The following DTWD1 variants were observed in gnomAD, a reference collection of about 807,000 sequenced individuals.
DTWD1 encodes the protein tRNA-uridine aminocarboxypropyltransferase 1.
Under a neutral mutation model 30.2 loss-of-function variants are expected in DTWD1, and 27 were observed. The ratio of observed to expected loss-of-function variants is 0.90; its 90% CI spans 0.66 to 1.23. The LOEUF (loss-of-function observed/expected upper bound fraction) is 1.23, where lower values mean the gene tolerates loss of function less well. DTWD1 is among the 50% of genes most tolerant of loss of function. The pLI, the probability that DTWD1 is intolerant of heterozygous loss-of-function variation, is 0.00. For missense variants in DTWD1, 342 were observed against 348.8 expected (o/e 0.98, Z 0.15); for synonymous variants, 99 against 113.1 (o/e 0.88, Z 0.79).
chr15:49,624,301 C>T (rs1323454452), intron 1 of DTWD1, among the ~76,000 whole-genome samples: 1 of 152,176 alleles, frequency 6.6e-6, no homozygotes, highest in South Asian at 2.1e-4. Context: ...TATTTTACAG[C>T]TGTGGAATGC....
chr15:49,622,226 G>A (rs2078749668), intron 1 of DTWD1, among the ~76,000 whole-genome samples: 1 of 152,208 alleles, frequency 6.6e-6, no homozygotes, highest in South Asian at 2.1e-4. Flanking sequence ...TGCTCTTACA[G>A]AGTTGAATGC....
intron 1 of DTWD1, among the ~76,000 whole-genome samples, chr15:49,622,152 A>C (rs920687538): frequency 4.6e-5 from 7 of 152,174 alleles, no homozygotes; most frequent in African/African-American, 7.2e-5. Flanking sequence ...TTTAGTTAAC[A>C]AGTGTTTGTT....
Position 49,653,307 on chromosome 15 carries a change from A to C in DTWD1, c.*9729A>C, listed in dbSNP as rs751909674. On this transcript the variant is annotated 3_prime_UTR_variant, in exon 5 of 5. Transcript: ENST00000403028. ...TGAAATGAGAAGAACTCAACCTGCT[A>C]TTGTTGGCTTTACAGGTGAGTGATA... The C allele has an allele frequency of 6.6e-6, 1 of 152,108 alleles. No individual in the cohort carries two copies. The highest frequency in any genetic ancestry group is 1.5e-5 in the Non-Finnish European group (1 of 68,020). 9.4% of individuals were successfully genotyped at this position (152,108 alleles called of 1,614,324 possible). A position where few individuals can be genotyped will look rare whatever the true frequency, so the allele number is the denominator to read the frequency against.
chr15:49,639,419 A>G (rs1299260220), intron 4 of DTWD1, among the ~76,000 whole-genome samples: 2 of 152,036 alleles, frequency 1.3e-5, no homozygotes. Context: ...GTAATTAGCA[A>G]GGCGTGGTAG....
intron 4 of DTWD1, among the ~76,000 whole-genome samples, chr15:49,636,686 T>C (rs1036682316): frequency 1.3e-5 from 2 of 152,202 alleles, no homozygotes; most frequent in Non-Finnish European, 2.9e-5. Flanking sequence ...TGTCTATGTC[T>C]AGTTTATATC....
At chr15:49,627,297 G>A (rs1007838864) in intron 2 of DTWD1, among the ~76,000 whole-genome samples, 1 of 152,012 alleles carries the variant, frequency 6.6e-6, no homozygotes, top group African/African-American at 2.4e-5. Context: ...TACATTAATG[G>A]TAATAACAGC....
rs762109541 is a variant in DTWD1 at position 49,653,330 on chromosome 15, A to C, written c.*9752A>C. 4.6e-5 allele frequency: 7 copies of C among 152,138 alleles called. No homozygotes were observed. Among genetic ancestry groups the C allele is most frequent in the Non-Finnish European group, 1.0e-4 (7 of 68,000 alleles). 9.4% of individuals were successfully genotyped at this position (152,138 alleles called of 1,614,324 possible). A position where few individuals can be genotyped will look rare whatever the true frequency, so the allele number is the denominator to read the frequency against. On this transcript the variant is annotated 3_prime_UTR_variant, in exon 5 of 5. Transcript: ENST00000403028. ...CTATTGTTGGCTTTACAGGTGAGTG[A>C]TAGGAACCACAAGCCCCAAGCAGCC...
chr15:49,641,570 C>T (rs1452714394), intron 4 of DTWD1, among the ~76,000 whole-genome samples: 1 of 152,064 alleles, frequency 6.6e-6, no homozygotes, highest in East Asian at 1.9e-4. Context: ...TTTCTTTACT[C>T]AGTGTTTTAT....
In DTWD1 at chr15:49,652,157, C is replaced by T. The variant is rs1210109669; in HGVS notation, c.*8579C>T. 1 of 152,122 alleles carries T rather than the reference C, an allele frequency of 6.6e-6. No individual in the cohort carries two copies. The highest frequency in any genetic ancestry group is 1.5e-5 in the Non-Finnish European group (1 of 68,020). The allele number at this position is 152,122 out of a possible 1,614,324, so 9.4% of individuals were successfully genotyped here. ...ATGACCCATATGGTACTTTGCACCT[C>T]TTCATAACTCTGAACTCTGCAGTGA... On this transcript the variant is annotated 3_prime_UTR_variant, in exon 5 of 5. Coordinates refer to ENST00000403028, the MANE Select transcript of DTWD1 (RefSeq NM_001144955.2).
chr15:49,625,099 C>CT lies in DTWD1; in HGVS notation c.-55-5dup, dbSNP rs577690587. ...GTTTTTATTTTTCCTTCTCTTGATA[C>CT]TTTTTTTTTACAGTGCACCTATGAT... On this transcript the variant is annotated splice_polypyrimidine_tract_variant and intron_variant, in intron 1 of 4. Coordinates refer to ENST00000403028, the MANE Select transcript of DTWD1 (RefSeq NM_001144955.2). 0.012 allele frequency: 17,079 copies of CT among 1,389,992 alleles called. 86 individuals carry two copies. Among genetic ancestry groups the CT allele is most frequent in the Non-Finnish European group, 0.014 (14,633 of 1,019,352 alleles). 86.1% of individuals were successfully genotyped at this position (1,389,992 alleles called of 1,614,324 possible). A position where few individuals can be genotyped will look rare whatever the true frequency, so the allele number is the denominator to read the frequency against.
rs754407687 is a variant in DTWD1, at chr15:49,643,415, T to C, written c.752T>C (p.Ile251Thr). ...KGKPDTFLST[I>T]EAIYYFLVDY... is the part of the protein sequence containing the mutation. ...AAGCCAGATACTTTCCTTTCTACAA[T>C]TGAAGCCATTTACTACTTTCTGGTA... The change falls in exon 5 of 5, where the codon ATT (isoleucine) becomes ACT (threonine). Residue 251 changes from isoleucine to threonine, a missense_variant. Ile to Thr is a moderately conservative substitution (Grantham distance 89). Transcript: ENST00000403028. 4 of 1,603,460 alleles carry C rather than the reference T, an allele frequency of 2.5e-6. No individual in the cohort carries two copies. Among genetic ancestry groups the C allele is most frequent in the Admixed American group, 1.7e-5 (1 of 58,190 alleles).
chr15:49,622,720 G>A lies in DTWD1; in HGVS notation c.-56+1598G>A, dbSNP rs911108095. Among the ~76,000 whole-genome samples the A allele has an allele frequency of 5.3e-5, 8 of 152,214 alleles. No homozygotes were observed. The East Asian group carries it at 1.5e-3, about 29-fold the overall frequency. On this transcript the variant is annotated intron_variant, in intron 1 of 4. Transcript: ENST00000403028. ...CACAGTCGAGGCAGGCTGTTGGCTC[G>A]GTTAGGACAGATGCCCTGATCATGT... is the stretch of plus-strand genomic sequence containing the variant.
intron 1 of DTWD1, among the ~76,000 whole-genome samples, chr15:49,621,956 G>T (rs959439503): frequency 1.3e-5 from 2 of 152,160 alleles, no homozygotes; most frequent in African/African-American, 4.8e-5. Context: ...AGTCTGTATA[G>T]TGTTCCATTG....
chr15:49,639,756 T>TGAATTTTGTTCTTTTATCCATAG (rs1366588694), intron 4 of DTWD1, among the ~76,000 whole-genome samples: 17 of 152,296 alleles, frequency 1.1e-4, no homozygotes, highest in African/African-American at 4.1e-4. Flanking sequence ...TTCAGCATGC[T>TGAATTTTGTTCTTTTATCCATAG]TGGGCATTTG....
rs747736956 is a variant in DTWD1, at chr15:49,643,431, C to T, written c.768C>T (p.Tyr256=). The change falls in exon 5 of 5, where the codon TAC becomes TAT. Residue 256 remains tyrosine, a synonymous_variant. Transcript: ENST00000403028. The part of the protein sequence containing the change: ...TFLSTIEAIY[Y]FLVDYHTDIL... Reference sequence around the variant, plus strand: ...TTTCTACAATTGAAGCCATTTACTACTTTCTGGTAGACTACCATACTGATA... The same window carrying T: ...TTTCTACAATTGAAGCCATTTACTATTTTCTGGTAGACTACCATACTGATA... 6.2e-7 allele frequency: 1 copy of T among 1,602,602 alleles called. No homozygotes were observed. The highest frequency in any genetic ancestry group is 8.5e-7 in the Non-Finnish European group (1 of 1,175,160).
chr15:49,647,350 CAA>C lies in DTWD1; in HGVS notation c.*3773_*3774del, dbSNP rs2079126351. 1 of 152,088 alleles carries C rather than the reference CAA, an allele frequency of 6.6e-6. No homozygotes were observed. Among genetic ancestry groups the C allele is most frequent in the African/African-American group, 2.4e-5 (1 of 41,422 alleles). The allele number at this position is 152,088 out of a possible 1,614,324, so 9.4% of individuals were successfully genotyped here. The stretch of plus-strand genomic sequence containing the variant: ...TGATCACATTTTATTTGATGAGAAA[CAA>C]TTTTATTTTCTAGTTCTGCATATCC... On this transcript the variant is annotated 3_prime_UTR_variant, in exon 5 of 5. Transcript: ENST00000403028.
chr15:49,628,686 G>A (rs2078877578), intron 2 of DTWD1, among the ~76,000 whole-genome samples: 1 of 152,076 alleles, frequency 6.6e-6, no homozygotes, highest in African/African-American at 2.4e-5. Context: ...GTGTTCGAGA[G>A]CAGATTGATA....
At chr15:49,638,751 CCTTA>C (rs1457751617) in intron 4 of DTWD1, among the ~76,000 whole-genome samples, 1 of 152,102 alleles carries the variant, frequency 6.6e-6, no homozygotes, top group Non-Finnish European at 1.5e-5. Context: ...CAATGTAAAA[CCTTA>C]CTGTTTTGCC....
chr15:49,626,801 A>G (rs1419605388), intron 2 of DTWD1: 1 of 437,404 alleles, frequency 2.3e-6, no homozygotes, highest in South Asian at 1.6e-5. Flanking sequence ...AATCACATGT[A>G]TAGGCTAATG....
Sources: gnomAD v4.1 joint callset for allele counts (sites outside exome capture counted in the v4.1 genomes callset) on GRCh38, gnomAD v4.1.1 for gene constraint, MANE v1.5 for transcripts, NCBI Gene and HGNC (gene_info 2026-07-23, HGNC 2026-07-21) for gene names.